Variants in NELL1 observed in about 807,000 individuals in gnomAD.
The protein encoded by NELL1 is protein kinase C-binding protein NELL1.
In NELL1, 76 loss-of-function variants were observed where a neutral mutation model predicts 107.4. The ratio of observed to expected loss-of-function variants is 0.71; its 90% CI spans 0.59 to 0.86. The LOEUF is 0.86. Ranked by LOEUF, NELL1 falls within the 40% of genes least tolerant of loss-of-function variation. The pLI, the probability that NELL1 is intolerant of heterozygous loss-of-function variation, is 0.00. For synonymous variants in NELL1, 353 were observed against 341.2 expected (o/e 1.03, Z -0.38); for missense variants, 1,024 against 1,005.5 (o/e 1.02, Z -0.25).
intron 12 of NELL1, among the ~76,000 whole-genome samples, chr11:21,022,232 G>A (rs1417138874): frequency 6.6e-6 from 1 of 152,036 alleles, no homozygotes; most frequent in Non-Finnish European, 1.5e-5. Flanking sequence ...AGGTTCTTTG[G>A]CGTTACCTTT....
At chr11:21,482,134 A>C (rs146281122) in intron 15 of NELL1, among the ~76,000 whole-genome samples, 5 of 152,370 alleles carry the variant, frequency 3.3e-5, no homozygotes, top group African/African-American at 1.2e-4. Context: ...CAGAAAGATT[A>C]AAAATTAAGC....
At chr11:20,737,627 A>C (rs1338866939) in intron 2 of NELL1, among the ~76,000 whole-genome samples, 2 of 152,148 alleles carry the variant, frequency 1.3e-5, no homozygotes, top group Non-Finnish European at 2.9e-5. Flanking sequence ...TTAGCAAGTG[A>C]TTGAAACATC....
intron 15 of NELL1, among the ~76,000 whole-genome samples, chr11:21,509,105 T>A (rs1326048546): frequency 3.3e-5 from 5 of 151,720 alleles, no homozygotes; most frequent in African/African-American, 1.2e-4. Flanking sequence ...AACAAGAAAA[T>A]CAATAAATAT....
intron 9 of NELL1, among the ~76,000 whole-genome samples, chr11:20,931,285 GA>G (rs1476391219): frequency 6.6e-6 from 1 of 152,162 alleles, no homozygotes; most frequent in African/African-American, 2.4e-5. Context: ...TAAATATTTT[GA>G]ACCTTCTAGA....
At chr11:21,150,931 C>A (rs1274847001) in intron 13 of NELL1, among the ~76,000 whole-genome samples, 2 of 152,188 alleles carry the variant, frequency 1.3e-5, no homozygotes, top group South Asian at 2.1e-4. Flanking sequence ...GAAATAAGCA[C>A]CTTCTTCACA....
chr11:21,405,799 C>T lies in NELL1; in HGVS notation c.1645+34851C>T, dbSNP rs376361163. On this transcript the variant is annotated intron_variant, in intron 15 of 19. Transcript: ENST00000357134. ...CATTAATTCCTTCTACTAAAAATGG[C>T]CATTATTTTCCTTCCCCCAACCTTT... 4.3e-4 allele frequency among the ~76,000 whole-genome samples: 66 copies of T among 152,008 alleles called. No homozygotes were observed. The South Asian group carries it at 6.6e-3, about 15-fold the overall frequency.
intron 13 of NELL1, among the ~76,000 whole-genome samples, chr11:21,219,242 C>A (rs941671863): frequency 2.6e-5 from 4 of 152,092 alleles, no homozygotes; most frequent in Admixed American, 2.6e-4. Context: ...TGATGTTGAG[C>A]ATTTTAAAAA....
chr11:21,306,865 A>G (rs929668969), intron 14 of NELL1, among the ~76,000 whole-genome samples: 1 of 152,062 alleles, frequency 6.6e-6, no homozygotes, highest in Non-Finnish European at 1.5e-5. Flanking sequence ...CATCATGAGC[A>G]TAGAATGTAA....
At chr11:21,399,692 A>G (rs562179251) in intron 15 of NELL1, among the ~76,000 whole-genome samples, 5 of 151,940 alleles carry the variant, frequency 3.3e-5, no homozygotes, top group African/African-American at 1.2e-4. Flanking sequence ...ACCCAAGTTT[A>G]TATGGGTGGA....
chr11:21,386,108 T>A (rs1357698753), intron 15 of NELL1, among the ~76,000 whole-genome samples: 4 of 151,766 alleles, frequency 2.6e-5, no homozygotes, highest in Admixed American at 6.6e-5. Context: ...TTCTCTTCCA[T>A]CTCTTCTTAC....
chr11:20,833,989 A>C (rs1308840935), intron 3 of NELL1, among the ~76,000 whole-genome samples: 1 of 152,192 alleles, frequency 6.6e-6, no homozygotes. Flanking sequence ...TAATAAGAAG[A>C]CACTGATGGA....
intron 17 of NELL1, among the ~76,000 whole-genome samples, chr11:21,569,990 T>G (rs1330193000): frequency 6.6e-6 from 1 of 151,840 alleles, no homozygotes; most frequent in African/African-American, 2.4e-5. Context: ...GTTTAAGAAA[T>G]TACTGTAAGC....
At chr11:20,724,115 G>C (rs1855456403) in intron 2 of NELL1, among the ~76,000 whole-genome samples, 1 of 152,156 alleles carries the variant, frequency 6.6e-6, no homozygotes, top group African/African-American at 2.4e-5. Context: ...CCTGGCCTAT[G>C]AAGCCATTTT....
intron 13 of NELL1, among the ~76,000 whole-genome samples, chr11:21,204,952 C>T (rs1857356612): frequency 6.6e-6 from 1 of 152,142 alleles, no homozygotes; most frequent in South Asian, 2.1e-4. Context: ...TGCAGAACAG[C>T]AAAGATTGCT....
chr11:21,367,889 T>C (rs1024401991), intron 14 of NELL1, among the ~76,000 whole-genome samples: 3 of 152,122 alleles, frequency 2.0e-5, no homozygotes, highest in African/African-American at 7.2e-5. Flanking sequence ...CTCCTTGTTT[T>C]GCTTCTGCCA....
At chr11:20,671,815 G>C (rs1853919334) in intron 1 of NELL1, among the ~76,000 whole-genome samples, 1 of 152,140 alleles carries the variant, frequency 6.6e-6, no homozygotes, top group African/African-American at 2.4e-5. Flanking sequence ...TTGTATTAAG[G>C]AAATGTGGAG....
At chr11:20,796,133 A>G (rs1265133182) in intron 3 of NELL1, among the ~76,000 whole-genome samples, 1 of 152,136 alleles carries the variant, frequency 6.6e-6, no homozygotes, top group Non-Finnish European at 1.5e-5. Flanking sequence ...AAAATTCTTC[A>G]TAAGGGAAGA....
intron 2 of NELL1, among the ~76,000 whole-genome samples, chr11:20,711,639 A>C (rs965957505): frequency 1.2e-4 from 18 of 151,810 alleles, no homozygotes; most frequent in Non-Finnish European, 2.4e-4. Context: ...TTCTTCATTT[A>C]TGAAGCTTAG....
chr11:21,395,209 A>G (rs1461394011), intron 15 of NELL1, among the ~76,000 whole-genome samples: 1 of 151,544 alleles, frequency 6.6e-6, no homozygotes, highest in Non-Finnish European at 1.5e-5. Flanking sequence ...TACTGAGAAG[A>G]GCTGCCTGGG....
Sources: allele counts gnomAD v4.1 joint callset (sites outside exome capture counted in the v4.1 genomes callset), GRCh38; gene constraint gnomAD v4.1.1; transcripts MANE v1.5; gene names NCBI Gene and HGNC (gene_info 2026-07-23, HGNC 2026-07-21).